Variants in DOCK9 observed in about 807,000 individuals in gnomAD.
The protein encoded by DOCK9 is dedicator of cytokinesis protein 9.
A neutral mutation model predicts 263.3 loss-of-function variants in DOCK9; 89 were observed. The ratio of observed to expected loss-of-function variants is 0.34; its 90% CI spans 0.28 to 0.40. The LOEUF (loss-of-function observed/expected upper bound fraction) is 0.40, where lower values mean the gene tolerates loss of function less well. DOCK9 is among the 10% of genes least tolerant of loss of function. The pLI is 1.00. For synonymous variants in DOCK9, 976 were observed against 973.1 expected, an observed-to-expected ratio of 1.00 and a Z score of -0.06; for missense variants, 2,140 against 2,603.4, an observed-to-expected ratio of 0.82 and a Z score of 3.87.
At chr13:98,907,048 G>A (rs574369017) in intron 9 of DOCK9, among the ~76,000 whole-genome samples, 49 of 152,266 alleles carry the variant, frequency 3.2e-4, no homozygotes, top group South Asian at 6.2e-4. Context: ...GGAGGCAGGC[G>A]CTCTCCATAT....
At chr13:98,955,916 C>T (rs1178277029) in intron 1 of DOCK9, among the ~76,000 whole-genome samples, 2 of 152,186 alleles carry the variant, frequency 1.3e-5, no homozygotes, top group Admixed American at 6.5e-5. Context: ...GGCCAGATGC[C>T]CAGAACGGCT....
At chr13:98,854,141 T>C (rs781750186) in intron 34 of DOCK9, among the ~76,000 whole-genome samples, 27 of 152,124 alleles carry the variant, frequency 1.8e-4, no homozygotes, top group Middle Eastern at 6.8e-3. Context: ...CACTCCCTCA[T>C]CAGCTTAGCT....
At chr13:98,920,696 G>C (rs1280984688) in intron 7 of DOCK9, among the ~76,000 whole-genome samples, 1 of 152,200 alleles carries the variant, frequency 6.6e-6, no homozygotes, top group Non-Finnish European at 1.5e-5. Flanking sequence ...TCTGAATTAA[G>C]TAGCCTGTTA....
intron 46 of DOCK9, 95 bp downstream of exon 46, chr13:98,810,074 A>G (rs1422457751): frequency 7.7e-6 from 12 of 1,549,336 alleles, no homozygotes; most frequent in African/African-American, 1.4e-5. Flanking sequence ...TCTCTGGCCC[A>G]TGGCCTGCTT....
Position 98,950,045 on chromosome 13 carries a change from G to C in DOCK9, c.243+5390C>G, listed in dbSNP as rs141233926. On this transcript the variant is annotated intron_variant, in intron 2 of 52. Coordinates refer to ENST00000682017, the MANE Select transcript of DOCK9 (RefSeq NM_001366683.2). ...GATTGGAAATCCCCAGTTCACATAA[G>C]GTTCTACTATAAGCAACATTTTAGG... is the stretch of plus-strand genomic sequence containing the variant. The C allele has an allele frequency of 8.4e-3, 3,874 of 462,828 alleles. 31 individuals carry two copies. The highest frequency in any genetic ancestry group is 0.013 in the South Asian group (673 of 53,772). The allele number at this position is 462,828 out of a possible 1,614,324, so 28.7% of individuals were successfully genotyped here.
At chr13:98,997,457 A>G (rs1486642850) in intron 1 of DOCK9, among the ~76,000 whole-genome samples, 1 of 152,254 alleles carries the variant, frequency 6.6e-6, no homozygotes, top group Non-Finnish European at 1.5e-5. Context: ...TCTGTAAAGA[A>G]GACCTCTCTC....
intron 9 of DOCK9, among the ~76,000 whole-genome samples, chr13:98,914,091 G>GA (rs926942948): frequency 1.3e-5 from 2 of 151,918 alleles, no homozygotes; most frequent in African/African-American, 4.8e-5. Flanking sequence ...CATTATCAGG[G>GA]AAAAAAACAC....
At chr13:98,814,559 C>A (rs1234376799) in intron 45 of DOCK9, among the ~76,000 whole-genome samples, 2 of 152,108 alleles carry the variant, frequency 1.3e-5, no homozygotes, top group Non-Finnish European at 2.9e-5. Flanking sequence ...GGGTGTGCCA[C>A]CACGCCCAGC....
intron 1 of DOCK9, among the ~76,000 whole-genome samples, chr13:99,063,315 C>T (rs1470604669): frequency 6.7e-6 from 1 of 150,020 alleles, no homozygotes; most frequent in East Asian, 2.0e-4. Context: ...TACGGCCCTA[C>T]CCAGACTGTG....
At chr13:98,937,439 T>C (rs1321613736) in intron 2 of DOCK9, among the ~76,000 whole-genome samples, 1 of 152,144 alleles carries the variant, frequency 6.6e-6, no homozygotes, top group African/African-American at 2.4e-5. Context: ...GACAGATAGG[T>C]AGATAAAAGC....
chr13:99,060,796 T>C (rs1407722568), intron 1 of DOCK9, among the ~76,000 whole-genome samples: 2 of 152,180 alleles, frequency 1.3e-5, no homozygotes, highest in African/African-American at 4.8e-5. Flanking sequence ...TCTGATCAGC[T>C]ACTTAGGTCC....
chr13:98,856,076 C>T, intron 33 of DOCK9, 45 bp from the exon 34 acceptor site: 1 of 1,600,928 alleles, frequency 6.2e-7, no homozygotes, highest in Non-Finnish European at 8.5e-7. Flanking sequence ...TAAGACAGAA[C>T]AAAATAAAGA....
At chr13:98,819,771 G>A (rs1469649324) in intron 45 of DOCK9, among the ~76,000 whole-genome samples, 1 of 152,204 alleles carries the variant, frequency 6.6e-6, no homozygotes, top group African/African-American at 2.4e-5. Flanking sequence ...ACCACGCTTG[G>A]ATGAGACGTA....
chr13:98,961,876 T>C (rs564374142), intron 1 of DOCK9, among the ~76,000 whole-genome samples: 5 of 152,330 alleles, frequency 3.3e-5, no homozygotes, highest in African/African-American at 1.2e-4. Flanking sequence ...TGGGACGCCA[T>C]GGCACAATTC....
chr13:98,833,737 C>T (rs2092866428), intron 39 of DOCK9, among the ~76,000 whole-genome samples: 2 of 152,176 alleles, frequency 1.3e-5, no homozygotes, highest in South Asian at 4.1e-4. Context: ...CCTTTTGTCC[C>T]AGACACACCC....
At chr13:99,034,930 T>C (rs1887709306) in intron 1 of DOCK9, among the ~76,000 whole-genome samples, 1 of 152,186 alleles carries the variant, frequency 6.6e-6, no homozygotes, top group African/African-American at 2.4e-5. Flanking sequence ...GCAATCAATG[T>C]GGAACCACCG....
chr13:98,951,597 A>T (rs927223185), intron 2 of DOCK9, among the ~76,000 whole-genome samples: 1 of 152,210 alleles, frequency 6.6e-6, no homozygotes, highest in African/African-American at 2.4e-5. Context: ...TCAAGTGTTT[A>T]TGTGCACGGT....
intron 1 of DOCK9, among the ~76,000 whole-genome samples, chr13:99,050,319 G>T (rs545041233): frequency 6.6e-6 from 1 of 152,086 alleles, no homozygotes; most frequent in Non-Finnish European, 1.5e-5. Flanking sequence ...AGTGATACAC[G>T]AATGGAAATA....
At chr13:98,942,585 T>G (rs1288519048) in intron 2 of DOCK9, among the ~76,000 whole-genome samples, 3 of 152,218 alleles carry the variant, frequency 2.0e-5, no homozygotes. Context: ...AGGACCATAA[T>G]TCTGTGTGAA....
Sources: allele counts gnomAD v4.1 joint callset (sites outside exome capture counted in the v4.1 genomes callset), GRCh38; gene constraint gnomAD v4.1.1; transcripts MANE v1.5; gene names NCBI Gene and HGNC (gene_info 2026-07-23, HGNC 2026-07-21).